Variants in CPVL observed in about 807,000 individuals in gnomAD.
CPVL encodes the protein probable serine carboxypeptidase CPVL.
In CPVL, 51 loss-of-function variants were observed where a neutral mutation model predicts 63.7. The observed-to-expected ratio is 0.80, with a 90% CI of 0.64 to 1.01. The LOEUF is 1.01. CPVL is among the 50% of genes least tolerant of loss of function. CPVL has a pLI of 0.00. For missense variants in CPVL, 530 were observed against 573.1 expected (o/e 0.92, Z 0.77); for synonymous variants, 195 against 206.0 (o/e 0.95, Z 0.46).
intron 5 of CPVL, among the ~76,000 whole-genome samples, chr7:29,163,636 C>G (rs548577642): frequency 6.6e-6 from 1 of 152,134 alleles, no homozygotes; most frequent in South Asian, 2.1e-4. Flanking sequence ...ATGTATGAAC[C>G]CATGAAACCC....
rs545198730 is a variant in CPVL at position 29,168,931 on chromosome 7, G to A, written c.-11+12359C>T. 4.6e-5 allele frequency among the ~76,000 whole-genome samples: 7 copies of A among 152,226 alleles called. 1 individual carries two copies. The South Asian group carries it at 1.5e-3, about 32-fold the overall frequency. On this transcript the variant is annotated intron_variant, in intron 5 of 16. Transcript: ENST00000409850. ...ACTATTTCTATTCGCCATGTTTTAA[G>A]TAATACCCAGCCCAATGTGATTCAA... is the stretch of plus-strand genomic sequence containing the variant.
At chr7:29,137,541 C>A (rs976343133) in intron 1 of CPVL, among the ~76,000 whole-genome samples, 26 of 152,190 alleles carry the variant, frequency 1.7e-4, no homozygotes, top group Non-Finnish European at 3.5e-4. Flanking sequence ...TTTGAACATG[C>A]CTAGCCCAGG....
chr7:28,998,447 C>T (rs746300682), intron 12 of CPVL, among the ~76,000 whole-genome samples: 6 of 152,124 alleles, frequency 3.9e-5, no homozygotes, highest in Non-Finnish European at 5.9e-5. Context: ...AGGCACTGCA[C>T]GTTGTGTGAC....
intron 5 of CPVL, among the ~76,000 whole-genome samples, chr7:29,178,276 GCTT>G (rs1797614849): frequency 6.6e-6 from 1 of 152,110 alleles, no homozygotes; most frequent in Non-Finnish European, 1.5e-5. Flanking sequence ...CTTCCTAAAA[GCTT>G]CTGTGGCTTC....
At chr7:29,151,720 C>T (rs1793622356) in intron 5 of CPVL, among the ~76,000 whole-genome samples, 1 of 152,082 alleles carries the variant, frequency 6.6e-6, no homozygotes, top group Non-Finnish European at 1.5e-5. Context: ...CATCTGAATC[C>T]CAGCTCAGCC....
At chr7:29,177,143 C>T (rs1372658165) in intron 5 of CPVL, among the ~76,000 whole-genome samples, 1 of 152,178 alleles carries the variant, frequency 6.6e-6, no homozygotes, top group African/African-American at 2.4e-5. Context: ...AATTTACTCA[C>T]TGGGAAACTT....
chr7:29,071,867 C>A lies in CPVL; in HGVS notation c.770G>T (p.Gly257Val). ...GGYAEFLYQIGLLDEKQKKYF... is the reference protein window; with the variant it reads ...GGYAEFLYQIVLLDEKQKKYF... ...CTTTTTTTGCTTCTCATCCAACAAG[C>A]CAATTTGGTACAGGAATTCTGCATA... The change falls in exon 9 of 13, where the codon GGC becomes GTC. Residue 257 changes from glycine to valine, a missense_variant. Coordinates refer to ENST00000265394, the MANE Select transcript of CPVL (RefSeq NM_031311.5). 6.2e-7 allele frequency: 1 copy of A among 1,614,050 alleles called. No homozygotes were observed. The highest frequency in any genetic ancestry group is 1.1e-5 in the South Asian group (1 of 91,066).
intron 1 of CPVL, among the ~76,000 whole-genome samples, chr7:29,123,827 G>A (rs1340294829): frequency 6.6e-6 from 1 of 150,438 alleles, no homozygotes; most frequent in Admixed American, 6.6e-5. Flanking sequence ...TAAATAACCA[G>A]GGTAGTTACA....
chr7:29,007,641 A>C (rs1211575530), intron 12 of CPVL, among the ~76,000 whole-genome samples: 1 of 152,102 alleles, frequency 6.6e-6, no homozygotes, highest in Non-Finnish European at 1.5e-5. Flanking sequence ...TTTGAAGGGA[A>C]TTGTTTTGAA....
intron 9 of CPVL, among the ~76,000 whole-genome samples, chr7:29,070,261 T>C (rs1783610565): frequency 1.3e-5 from 2 of 152,224 alleles, no homozygotes; most frequent in African/African-American, 2.4e-5. Flanking sequence ...ACAACACACC[T>C]GAACTTTTCT....
chr7:29,147,220 T>A, upstream of CPVL: 1 of 488,232 alleles, frequency 2.0e-6, no homozygotes, highest in Non-Finnish European at 3.6e-6. Context: ...GAGGTTGCAA[T>A]GGCAAGTAGA....
chr7:29,021,938 T>C (rs1787030715), intron 12 of CPVL, among the ~76,000 whole-genome samples: 1 of 152,072 alleles, frequency 6.6e-6, no homozygotes, highest in Non-Finnish European at 1.5e-5. Flanking sequence ...TGCAGATGCG[T>C]CCCCAAAACT....
intron 5 of CPVL, among the ~76,000 whole-genome samples, chr7:29,156,583 C>T (rs949432690): frequency 2.6e-5 from 4 of 152,130 alleles, no homozygotes; most frequent in East Asian, 1.9e-4. Flanking sequence ...AAGGCATCCC[C>T]GATAAAGGTC....
At chr7:29,084,509 T>C (rs1258623752) in intron 7 of CPVL, among the ~76,000 whole-genome samples, 1 of 152,216 alleles carries the variant, frequency 6.6e-6, no homozygotes, top group East Asian at 1.9e-4. Flanking sequence ...CTAGCACATA[T>C]TTTAGTTATC....
intron 5 of CPVL, among the ~76,000 whole-genome samples, 169 bp from the exon 6 acceptor site, chr7:29,092,871 G>A (rs1390935017): frequency 6.6e-6 from 1 of 152,104 alleles, no homozygotes; most frequent in Non-Finnish European, 1.5e-5. Flanking sequence ...GAGGATGCTA[G>A]GTGCCACCTA....
At position 29,135,626 on chromosome 7, in the gene CPVL, C is replaced by G. The variant is rs2128663607; in HGVS notation, c.-11+10803G>C. Among the ~76,000 whole-genome samples, 3 of 152,094 alleles carry G rather than the reference C, an allele frequency of 2.0e-5. 1 individual carries two copies. In the Middle Eastern group the frequency reaches 0.01, roughly 517 times the overall value. ...GGATTAGAGGTGTAAGCCACCACGCCCAGCCTATATCAATCATGAGAATAA... is the reference window on the plus strand; with the variant it reads ...GGATTAGAGGTGTAAGCCACCACGCGCAGCCTATATCAATCATGAGAATAA... On this transcript the variant is annotated intron_variant, in intron 1 of 12. Transcript: ENST00000265394.
intron 5 of CPVL, among the ~76,000 whole-genome samples, chr7:29,178,796 G>C (rs778887594): frequency 2.6e-5 from 4 of 152,108 alleles, no homozygotes; most frequent in Non-Finnish European, 5.9e-5. Flanking sequence ...TATGAAAAAT[G>C]ACTTAAATCC....
intron 1 of CPVL, chr7:29,194,884 A>G (rs977477979): frequency 2.1e-4 from 289 of 1,387,486 alleles, no homozygotes; most frequent in Non-Finnish European, 2.5e-4. Flanking sequence ...GGGCGAGGGC[A>G]GCGGCGGCGG....
intron 1 of CPVL, chr7:29,191,962 C>T (rs1194548510): frequency 6.6e-6 from 1 of 152,218 alleles, no homozygotes; most frequent in Non-Finnish European, 1.5e-5. Flanking sequence ...GCTCCTGAAT[C>T]TAAGAAGGAT....
Sources: gnomAD v4.1 joint callset for allele counts (sites outside exome capture counted in the v4.1 genomes callset) on GRCh38, gnomAD v4.1.1 for gene constraint, MANE v1.5 for transcripts, NCBI Gene and HGNC (gene_info 2026-07-23, HGNC 2026-07-21) for gene names.